HDHD2: variants seen among roughly 807,000 people sequenced by gnomAD.
The protein encoded by HDHD2 is haloacid dehalogenase like hydrolase domain containing 2, also known as haloacid dehalogenase-like hydrolase domain-containing protein 2.
In HDHD2, 26 loss-of-function variants were observed where a neutral mutation model predicts 24.8. That is an observed-to-expected ratio of 1.05 (90% CI 0.77 to 1.45). The LOEUF (loss-of-function observed/expected upper bound fraction) is 1.45, where lower values mean the gene tolerates loss of function less well. HDHD2 is among the 40% of genes most tolerant of loss of function. The probability of loss-of-function intolerance (pLI) is 0.00; values close to 1 mark genes in which losing one functional copy is unlikely to be tolerated. For missense variants in HDHD2, 299 were observed against 313.4 expected, an observed-to-expected ratio of 0.95 and a Z score of 0.35; for synonymous variants, 128 against 114.9, an observed-to-expected ratio of 1.11 and a Z score of -0.73.
At position 47,139,806 on chromosome 18, in the gene HDHD2, T is replaced by G. The variant is rs111782787; in HGVS notation, c.-10-3357A>C. Among the ~76,000 whole-genome samples, 1,123 of 152,306 alleles carry G rather than the reference T, an allele frequency of 7.4e-3. 9 individuals are homozygous for G. The highest frequency in any genetic ancestry group is 0.025 in the African/African-American group (1,033 of 41,558). The stretch of plus-strand genomic sequence containing the variant: ...GCTGATGGGGAAAAACCTCCACATA[T>G]TTTGGGGTCACAGAAGTCTTCTGTA... On this transcript the variant is annotated intron_variant, in intron 1 of 6. Coordinates refer to ENST00000300605, the MANE Select transcript of HDHD2 (RefSeq NM_032124.5).
chr18:47,111,378 AAAAAG>A, intron 6 of HDHD2: 12 of 981,602 alleles, frequency 1.2e-5, no homozygotes, highest in South Asian at 9.4e-5. Flanking sequence ...AAAAAAAAAA[AAAAAG>A]AAAGAAAGAA....
rs1276463472 is a variant in HDHD2 at position 47,150,443 on chromosome 18, C to T, written c.-76G>A. ...TGGCAAAGCCAGCCACCCGCACTGG[C>T]CGCGGGTCCTCAGCCGGGATAGACA... is the stretch of plus-strand genomic sequence containing the variant. On this transcript the variant is annotated 5_prime_UTR_variant, in exon 1 of 7. Transcript: ENST00000300605. 1 of 152,396 alleles carries T rather than the reference C, an allele frequency of 6.6e-6. No individual in the cohort carries two copies. Among genetic ancestry groups the T allele is most frequent in the Non-Finnish European group, 1.5e-5 (1 of 68,166 alleles). 9.4% of individuals were successfully genotyped at this position (152,396 alleles called of 1,614,324 possible).
chr18:47,123,990 T>A (rs993607509), intron 4 of HDHD2, among the ~76,000 whole-genome samples: 13 of 152,346 alleles, frequency 8.5e-5, no homozygotes, highest in African/African-American at 3.1e-4. Context: ...ATCAAGACAG[T>A]ATGAATGGCA....
intron 1 of HDHD2, chr18:47,137,290 G>A (rs141565081): frequency 1.5e-4 from 68 of 451,592 alleles, no homozygotes; most frequent in Middle Eastern, 4.4e-4. Context: ...AGTAGCAGAC[G>A]AGGTGTCTAG....
At chr18:47,142,938 A>G (rs1039460659) in intron 1 of HDHD2, among the ~76,000 whole-genome samples, 8 of 152,154 alleles carry the variant, frequency 5.3e-5, no homozygotes, top group Non-Finnish European at 2.9e-5. Context: ...GCGCCTGACA[A>G]ACTACTCTTA....
At chr18:47,113,173 T>C (rs1422451059) in intron 5 of HDHD2, 133 bp from the exon 6 acceptor site, 7 of 739,176 alleles carry the variant, frequency 9.5e-6, no homozygotes, top group African/African-American at 3.5e-5. Context: ...AAAGAGAAGA[T>C]GTAAAAGGTG....
chr18:47,127,804 G>A (rs745919651), intron 4 of HDHD2, among the ~76,000 whole-genome samples: 3 of 151,944 alleles, frequency 2.0e-5, no homozygotes, highest in Non-Finnish European at 2.9e-5. Context: ...GTTTTTGTGG[G>A]GTGCTATCCA....
chr18:47,148,908 T>C (rs1006252364), intron 1 of HDHD2: 2 of 152,246 alleles, frequency 1.3e-5, no homozygotes, highest in Admixed American at 6.5e-5. Flanking sequence ...TATAAATTTA[T>C]AGCCTGGGTA....
rs112833613 is a variant in HDHD2, at chr18:47,130,290, A to T, written c.349T>A (p.Leu117Met). ...TSDPNAVVMGLAPEHFHYQIL... is the reference protein window; with the variant it reads ...TSDPNAVVMGMAPEHFHYQIL... ...TGATAATGAAAATGTTCTGGTGCCA[A>T]TCCCATGACCACAGCATTAGGATCA... Residue 117 changes from leucine to methionine, a missense_variant, in exon 4 of 7, where the codon TTG (leucine) becomes ATG (methionine). Coordinates refer to ENST00000300605, the MANE Select transcript of HDHD2 (RefSeq NM_032124.5). 6.8e-6 allele frequency: 11 copies of T among 1,609,216 alleles called. No homozygotes were observed. Among genetic ancestry groups the T allele is most frequent in the African/African-American group, 5.3e-5 (4 of 74,848 alleles).
intron 1 of HDHD2, among the ~76,000 whole-genome samples, chr18:47,148,494 T>C (rs2063896493): frequency 6.6e-6 from 1 of 152,102 alleles, no homozygotes; most frequent in South Asian, 2.1e-4. Context: ...CCACTGACAG[T>C]GGTACATATT....
At chr18:47,136,569 T>C in intron 1 of HDHD2, 120 bp from the exon 2 acceptor site, 1 of 699,948 alleles carries the variant, frequency 1.4e-6, no homozygotes, top group Non-Finnish European at 2.1e-6. Context: ...TTAAGCTGCT[T>C]CCATTTTGGA....
Position 47,128,119 on chromosome 18 carries a change from T to C in HDHD2, c.395+2125A>G, listed in dbSNP as rs113137335. Among the ~76,000 whole-genome samples the C allele has an allele frequency of 3.8e-3, 578 of 152,330 alleles. 7 individuals are homozygous for C. The highest frequency in any genetic ancestry group is 0.013 in the African/African-American group (548 of 41,572). On this transcript the variant is annotated intron_variant, in intron 4 of 6. Coordinates refer to ENST00000300605, the MANE Select transcript of HDHD2 (RefSeq NM_032124.5). ...CAGCTGTTAAGTGCATTTGTGAAAT[T>C]AGAGTTGACCTATAAGTGCACTGTA... is the stretch of plus-strand genomic sequence containing the variant.
intron 6 of HDHD2, chr18:47,111,180 GAC>G: frequency 1.0e-6 from 1 of 985,122 alleles, no homozygotes; most frequent in Non-Finnish European, 1.2e-6. Flanking sequence ...ACACATTTTG[GAC>G]TTGATTGTGT....
chr18:47,120,220 G>C (rs2144304552), intron 4 of HDHD2, among the ~76,000 whole-genome samples: 1 of 152,220 alleles, frequency 6.6e-6, no homozygotes, highest in East Asian at 1.9e-4. Flanking sequence ...TCCAATGTAA[G>C]ACTGTTTCAT....
rs111559391 is a variant in HDHD2, at chr18:47,127,160, C to CA, written c.395+3083dup. 6.5e-3 allele frequency among the ~76,000 whole-genome samples: 952 copies of CA among 146,130 alleles called. 16 individuals carry two copies. The highest frequency in any genetic ancestry group is 0.023 in the African/African-American group (913 of 39,762). ...TGGGTGACAGAGCAAGACTCCGTCT[C>CA]AAAAAAAAAACCTGCAATACCAACA... On this transcript the variant is annotated intron_variant, in intron 4 of 6. Transcript: ENST00000300605.
chr18:47,128,060 G>A (rs1340585236), intron 4 of HDHD2, among the ~76,000 whole-genome samples: 1 of 149,612 alleles, frequency 6.7e-6, no homozygotes, highest in Non-Finnish European at 1.5e-5. Context: ...ATGCAAAAAG[G>A]GAAGACCTAA....
At chr18:47,145,757 C>T (rs2063863446) in intron 1 of HDHD2, among the ~76,000 whole-genome samples, 1 of 152,034 alleles carries the variant, frequency 6.6e-6, no homozygotes, top group African/African-American at 2.4e-5. Context: ...GAAGAAAAGA[C>T]AGATAAATTC....
intron 4 of HDHD2, among the ~76,000 whole-genome samples, chr18:47,118,081 T>C (rs1309360345): frequency 1.3e-5 from 2 of 152,086 alleles, no homozygotes; most frequent in Admixed American, 6.5e-5. Context: ...ATAAATTCCA[T>C]GTAGGTGAAT....
intron 1 of HDHD2, among the ~76,000 whole-genome samples, chr18:47,146,023 G>A (rs1180922161): frequency 6.6e-6 from 1 of 152,050 alleles, no homozygotes; most frequent in Non-Finnish European, 1.5e-5. Flanking sequence ...CCCTAGGTCA[G>A]GCATTCAAGA....
Sources: gnomAD v4.1 joint callset for allele counts (sites outside exome capture counted in the v4.1 genomes callset) on GRCh38, gnomAD v4.1.1 for gene constraint, MANE v1.5 for transcripts, NCBI Gene and HGNC (gene_info 2026-07-23, HGNC 2026-07-21) for gene names.